The following PEDS1 variants were observed in gnomAD, a reference collection of about 807,000 sequenced individuals.
PEDS1 encodes the protein plasmanylethanolamine desaturase 1.
PEDS1 carries 14 observed loss-of-function variants against 35.2 expected under a neutral mutation model. That is an observed-to-expected ratio of 0.40 (90% CI 0.26 to 0.62). PEDS1 has a LOEUF of 0.62. PEDS1 is among the 20% of genes least tolerant of loss of function. The pLI, the probability that PEDS1 is intolerant of heterozygous loss-of-function variation, is 0.44. For synonymous variants in PEDS1, 152 were observed against 152.0 expected, an observed-to-expected ratio of 1.00 and a Z score of 0.00; for missense variants, 260 against 367.8, an observed-to-expected ratio of 0.71 and a Z score of 2.40.
rs945614484 is a variant in PEDS1, at chr20:50,139,149, G to A, written c.241+4353C>T. ...ACAGGACGGGCCACGACCCGAGCCT[G>A]GGACTTCTCTGACCTCATCCCTGAC... On this transcript the variant is annotated intron_variant, in intron 2 of 5. Transcript: ENST00000371652. 5.3e-5 allele frequency among the ~76,000 whole-genome samples: 8 copies of A among 152,136 alleles called. 1 individual carries two copies. The highest frequency in any genetic ancestry group is 1.9e-4 in the African/African-American group (8 of 41,430).
rs1288242307 is a variant in PEDS1 at position 50,122,632 on chromosome 20, T to C, written c.*2426A>G. The C allele has an allele frequency of 6.6e-6, 1 of 152,222 alleles. No individual in the cohort carries two copies. Among genetic ancestry groups the C allele is most frequent in the African/African-American group, 2.4e-5 (1 of 41,454 alleles). The allele number at this position is 152,222 out of a possible 1,614,324, so 9.4% of individuals were successfully genotyped here. On this transcript the variant is annotated 3_prime_UTR_variant, in exon 6 of 6. Transcript: ENST00000371652. ...TATCTGTGACTGCTCTGGAGTCCTT[T>C]AGGCATTTCCCTGTCCCCAACAGGC...
chr20:50,137,933 T>C (rs1018533807), intron 2 of PEDS1, among the ~76,000 whole-genome samples: 7 of 152,048 alleles, frequency 4.6e-5, no homozygotes, highest in Non-Finnish European at 8.8e-5. Context: ...CTAAAGGCCA[T>C]GTGATACCCT....
At chr20:50,139,544 C>T (rs186531263) in intron 2 of PEDS1, among the ~76,000 whole-genome samples, 26 of 152,026 alleles carry the variant, frequency 1.7e-4, no homozygotes, top group Middle Eastern at 3.4e-3. Context: ...TCCCTGGCAG[C>T]GCCATCCCAG....
intron 1 of PEDS1, 80 bp from the exon 2 acceptor site, chr20:50,143,701 C>CTTT: frequency 3.1e-6 from 4 of 1,305,262 alleles, no homozygotes; most frequent in Admixed American, 2.5e-5. Context: ...CTTTTCTTTT[C>CTTT]TTTTTTTTTT....
chr20:50,126,685 C>T (rs2081108827), intron 5 of PEDS1, among the ~76,000 whole-genome samples: 2 of 152,144 alleles, frequency 1.3e-5, no homozygotes, highest in South Asian at 2.1e-4. Flanking sequence ...GAGAGTTAGG[C>T]CTGAGTTAGA....
intron 5 of PEDS1, among the ~76,000 whole-genome samples, chr20:50,125,686 C>T (rs1343523910): frequency 1.3e-5 from 2 of 152,050 alleles, no homozygotes; most frequent in South Asian, 2.1e-4. Context: ...CTCCACCTCC[C>T]GGGTTCAAGT....
intron 2 of PEDS1, among the ~76,000 whole-genome samples, chr20:50,136,425 G>A (rs2081234802): frequency 1.3e-5 from 2 of 152,150 alleles, no homozygotes; most frequent in Admixed American, 6.6e-5. Context: ...AAAGAGCACA[G>A]TATGAATGAG....
chr20:50,125,001 A>G lies in PEDS1; in HGVS notation c.*57T>C. 1.2e-6 allele frequency: 2 copies of G among 1,600,812 alleles called. No homozygotes were observed. Among genetic ancestry groups the G allele is most frequent in the Non-Finnish European group, 1.7e-6 (2 of 1,170,714 alleles). On this transcript the variant is annotated 3_prime_UTR_variant, in exon 6 of 6. Coordinates refer to ENST00000371652, the MANE Select transcript of PEDS1 (RefSeq NM_199129.4). ...GCTCAAAGAGGCTGGAATTTGGCAG[A>G]TGGCTTCGGTTTGGGGGCTAGGGAA...
chr20:50,129,645 T>G lies in PEDS1; in HGVS notation c.379A>C (p.Ile127Leu). 6.2e-7 allele frequency: 1 copy of G among 1,614,086 alleles called. No individual in the cohort carries two copies. Among genetic ancestry groups the G allele is most frequent in the Non-Finnish European group, 8.5e-7 (1 of 1,180,002 alleles). Reference sequence around the variant, plus strand: ...GTCTCGATGAAGTCGTGCCGTGTGATAGCTGTCGGGTCAATGTGGTGCTCC... The same window carrying G: ...GTCTCGATGAAGTCGTGCCGTGTGAGAGCTGTCGGGTCAATGTGGTGCTCC... Reference protein sequence around the residue: ...FREHHIDPTAITRHDFIETNG... With the variant: ...FREHHIDPTALTRHDFIETNG... Residue 127 changes from isoleucine (I) to leucine (L), a missense_variant, in exon 4 of 6, where the codon ATC becomes CTC. By Grantham distance (5) the Ile-to-Leu change is conservative. Transcript: ENST00000371652. This position sits in a 1 kb window ranked among gnomAD's most constrained non-coding sequence, Gnocchi z 4.2.
intron 1 of PEDS1, among the ~76,000 whole-genome samples, chr20:50,148,606 A>G (rs1486908562): frequency 6.6e-6 from 1 of 152,216 alleles, no homozygotes; most frequent in Non-Finnish European, 1.5e-5. Flanking sequence ...TCCAGGGGAC[A>G]GGCTGCAGTC....
At chr20:50,152,685 A>G (rs2081417443) in intron 1 of PEDS1, among the ~76,000 whole-genome samples, 1 of 152,124 alleles carries the variant, frequency 6.6e-6, no homozygotes, top group South Asian at 2.1e-4. Context: ...GGTCTGGGGA[A>G]TATGGGGGTT....
chr20:50,153,713 C>T lies in PEDS1; in HGVS notation c.-76G>A. 1 of 1,145,444 alleles carries T rather than the reference C, an allele frequency of 8.7e-7. No individual in the cohort carries two copies. The highest frequency in any genetic ancestry group is 1.1e-6 in the Non-Finnish European group (1 of 933,420). 71.0% of individuals were successfully genotyped at this position (1,145,444 alleles called of 1,614,324 possible). On this transcript the variant is annotated 5_prime_UTR_variant, in exon 1 of 6. It adds an upstream start codon to the 5' untranslated region. Coordinates refer to ENST00000371652, the MANE Select transcript of PEDS1 (RefSeq NM_199129.4). ...GGGCCGCGGAACCGCGGCGAGATCA[C>T]GCCGCCCAATGACCGCCCAGCGCCG...
chr20:50,133,450 A>G (rs2081200210), intron 2 of PEDS1, among the ~76,000 whole-genome samples: 1 of 151,950 alleles, frequency 6.6e-6, no homozygotes, highest in Non-Finnish European at 1.5e-5. Flanking sequence ...GGCTGGGCTG[A>G]GGTAAAGGGG....
intron 2 of PEDS1, 45 bp from the exon 3 acceptor site, chr20:50,130,992 A>T: frequency 6.2e-7 from 1 of 1,614,106 alleles, no homozygotes; most frequent in Non-Finnish European, 8.5e-7. Context: ...GCACCCCCCC[A>T]ATCAGAATCA....
At chr20:50,144,774 G>A (rs1265390790) in intron 1 of PEDS1, among the ~76,000 whole-genome samples, 1 of 152,048 alleles carries the variant, frequency 6.6e-6, no homozygotes, top group Non-Finnish European at 1.5e-5. Context: ...CTAGGTAAGT[G>A]CAAAAAGCAA....
intron 2 of PEDS1, 171 bp from the exon 3 acceptor site, chr20:50,131,118 C>T: frequency 4.7e-6 from 7 of 1,505,232 alleles, no homozygotes; most frequent in Non-Finnish European, 6.3e-6. Flanking sequence ...TAACACTCCT[C>T]CTGCCTGTTA....
chr20:50,149,905 T>G (rs1327263420), intron 1 of PEDS1, among the ~76,000 whole-genome samples: 2 of 152,170 alleles, frequency 1.3e-5, no homozygotes, highest in African/African-American at 4.8e-5. Context: ...CCCCGCCGTA[T>G]GACCTCAGGC....
intron 2 of PEDS1, chr20:50,131,221 A>G (rs534049573): frequency 1.1e-5 from 8 of 699,858 alleles, no homozygotes; most frequent in African/African-American, 8.8e-5. Context: ...ACCTTTCCCT[A>G]TTAGGAGCAG....
At chr20:50,132,600 A>G (rs1205821493) in intron 2 of PEDS1, among the ~76,000 whole-genome samples, 2 of 151,998 alleles carry the variant, frequency 1.3e-5, no homozygotes, top group Non-Finnish European at 2.9e-5. Context: ...CCGATCTCCT[A>G]TGTATATTGT....
Sources: allele counts gnomAD v4.1 joint callset (sites outside exome capture counted in the v4.1 genomes callset), GRCh38; gene constraint gnomAD v4.1.1; non-coding constraint Gnocchi (gnomAD v3.1); transcripts MANE v1.5; gene names NCBI Gene and HGNC (gene_info 2026-07-23, HGNC 2026-07-21).